CNTNAP5: variants seen among roughly 807,000 people sequenced by gnomAD.
CNTNAP5 encodes the protein contactin-associated protein-like 5.
CNTNAP5 carries 72 observed loss-of-function variants against 150.2 expected under a neutral mutation model. That is an observed-to-expected ratio of 0.48 (90% CI 0.40 to 0.58). The LOEUF (loss-of-function observed/expected upper bound fraction) is 0.58, where lower values mean the gene tolerates loss of function less well. Ranked by LOEUF, CNTNAP5 falls within the 20% of genes least tolerant of loss-of-function variation. The pLI is 0.00. For synonymous variants in CNTNAP5, 672 were observed against 619.8 expected, an observed-to-expected ratio of 1.08 and a Z score of -1.25; for missense variants, 1,636 against 1,626.2, an observed-to-expected ratio of 1.01 and a Z score of -0.10.
chr2:124,513,578 G>T (rs954018831), intron 8 of CNTNAP5, among the ~76,000 whole-genome samples: 2 of 152,170 alleles, frequency 1.3e-5, no homozygotes, highest in Non-Finnish European at 2.9e-5. Flanking sequence ...TTTGCCACAC[G>T]CATGAATACA....
At chr2:124,168,694 T>C (rs1684861570) in intron 1 of CNTNAP5, among the ~76,000 whole-genome samples, 1 of 152,172 alleles carries the variant, frequency 6.6e-6, no homozygotes, top group South Asian at 2.1e-4. Flanking sequence ...TTTAAGACAT[T>C]AACATATGTC....
intron 13 of CNTNAP5, among the ~76,000 whole-genome samples, chr2:124,661,539 C>G (rs1678590741): frequency 6.8e-6 from 1 of 146,658 alleles, no homozygotes; most frequent in South Asian, 2.2e-4. Flanking sequence ...TGGAATTCCC[C>G]CGAAGGGCCT....
intron 1 of CNTNAP5, among the ~76,000 whole-genome samples, chr2:124,139,549 G>A (rs1175920761): frequency 6.6e-6 from 1 of 152,144 alleles, no homozygotes; most frequent in Non-Finnish European, 1.5e-5. Context: ...TCTCGGGAAA[G>A]AGGACTCTCA....
chr2:124,311,626 T>G (rs1275043971), intron 3 of CNTNAP5, among the ~76,000 whole-genome samples: 1 of 152,210 alleles, frequency 6.6e-6, no homozygotes, highest in Non-Finnish European at 1.5e-5. Context: ...CTATGAATTT[T>G]GGGTACACAT....
intron 3 of CNTNAP5, among the ~76,000 whole-genome samples, chr2:124,365,424 A>T (rs373200436): frequency 6.6e-5 from 10 of 152,272 alleles, no homozygotes; most frequent in East Asian, 5.8e-4. Flanking sequence ...TCACATTAAC[A>T]TGTTAGGATT....
At chr2:124,106,100 G>A (rs1683166297) in intron 1 of CNTNAP5, among the ~76,000 whole-genome samples, 2 of 151,614 alleles carry the variant, frequency 1.3e-5, no homozygotes, top group East Asian at 1.9e-4. Context: ...CTTTATACAA[G>A]TTATCATTGC....
intron 1 of CNTNAP5, among the ~76,000 whole-genome samples, chr2:124,058,409 A>G (rs540094004): frequency 7.4e-4 from 112 of 151,926 alleles, no homozygotes; most frequent in Admixed American, 5.0e-3. Context: ...CTCCCGATTC[A>G]CCTATCACAC....
intron 3 of CNTNAP5, among the ~76,000 whole-genome samples, chr2:124,256,091 A>T (rs1455561585): frequency 6.6e-6 from 1 of 152,174 alleles, no homozygotes; most frequent in Non-Finnish European, 1.5e-5. Context: ...ATATTGGCTG[A>T]TGTATCTTAT....
At chr2:124,351,894 G>T (rs946391329) in intron 3 of CNTNAP5, among the ~76,000 whole-genome samples, 1 of 152,100 alleles carries the variant, frequency 6.6e-6, no homozygotes. Flanking sequence ...CTAAGAGCTG[G>T]TAGTTACATG....
chr2:124,144,098 C>T (rs1684187797), intron 1 of CNTNAP5, among the ~76,000 whole-genome samples: 2 of 132,422 alleles, frequency 1.5e-5, no homozygotes, highest in South Asian at 2.7e-4. Context: ...ATGTGAAGGA[C>T]CTCTTCAAGG....
rs116757964 is a variant in CNTNAP5, at chr2:124,165,374, A to T, written c.83-56331A>T. Reference sequence around the variant, plus strand: ...AAAACCATGTGTGGAAGCACCTAAGACACAATGGATGCAATTTAGTAGCTG... The same window carrying T: ...AAAACCATGTGTGGAAGCACCTAAGTCACAATGGATGCAATTTAGTAGCTG... On this transcript the variant is annotated intron_variant, in intron 1 of 23. Coordinates refer to ENST00000682447, the MANE Select transcript of CNTNAP5 (RefSeq NM_001367498.1). Among the ~76,000 whole-genome samples the T allele has an allele frequency of 5.3e-3, 802 of 152,260 alleles. 5 individuals are homozygous for T. Among genetic ancestry groups the T allele is most frequent in the African/African-American group, 0.018 (745 of 41,556 alleles).
chr2:124,753,489 C>T (rs1023820490), intron 14 of CNTNAP5, among the ~76,000 whole-genome samples: 16 of 152,192 alleles, frequency 1.1e-4, no homozygotes, highest in African/African-American at 3.6e-4. Flanking sequence ...TTCACAATCT[C>T]ACAATAAATG....
intron 19 of CNTNAP5, among the ~76,000 whole-genome samples, chr2:124,860,414 C>CCCTTCCTT (rs201141839): frequency 1.0e-5 from 1 of 95,244 alleles, no homozygotes; most frequent in African/African-American, 7.2e-5. Context: ...CTCCCTCTCT[C>CCCTTCCTT]CCTTCCTTCC....
At chr2:124,256,465 A>G (rs568185709) in intron 3 of CNTNAP5, among the ~76,000 whole-genome samples, 5 of 152,186 alleles carry the variant, frequency 3.3e-5, no homozygotes, top group Admixed American at 6.6e-5. Flanking sequence ...TGAGTCTCCA[A>G]TGGTTTTATA....
chr2:124,286,893 C>T (rs1181503331), intron 3 of CNTNAP5, among the ~76,000 whole-genome samples: 2 of 152,080 alleles, frequency 1.3e-5, no homozygotes, highest in Non-Finnish European at 2.9e-5. Context: ...TAGGGGGTGG[C>T]ATGTAAAGAA....
intron 1 of CNTNAP5, among the ~76,000 whole-genome samples, chr2:124,170,545 G>T (rs986166588): frequency 6.6e-6 from 1 of 152,144 alleles, no homozygotes; most frequent in Admixed American, 6.5e-5. Context: ...CAAGAGTGCC[G>T]CAGCTTCCCG....
chr2:124,359,816 T>G (rs2104713070), intron 3 of CNTNAP5, among the ~76,000 whole-genome samples: 1 of 51,852 alleles, frequency 1.9e-5, no homozygotes, highest in Non-Finnish European at 3.6e-5. Flanking sequence ...AGATGTCTAT[T>G]AGGTCTGCTT....
intron 3 of CNTNAP5, among the ~76,000 whole-genome samples, chr2:124,371,261 A>G (rs931807660): frequency 6.6e-6 from 1 of 152,130 alleles, no homozygotes; most frequent in Non-Finnish European, 1.5e-5. Flanking sequence ...TCGTGGGGTA[A>G]TGTGTCCCGA....
chr2:124,632,805 A>G (rs1677892127), intron 12 of CNTNAP5, among the ~76,000 whole-genome samples: 2 of 152,138 alleles, frequency 1.3e-5, no homozygotes, highest in Non-Finnish European at 2.9e-5. Context: ...CACAGGCTGT[A>G]CAGGGAGCAT....
Sources: allele counts gnomAD v4.1 joint callset (sites outside exome capture counted in the v4.1 genomes callset), GRCh38; gene constraint gnomAD v4.1.1; transcripts MANE v1.5; gene names NCBI Gene and HGNC (gene_info 2026-07-23, HGNC 2026-07-21).